The following MKLN1 variants were observed in gnomAD, a reference collection of about 807,000 sequenced individuals.
MKLN1 encodes muskelin 1.
A neutral mutation model predicts 99.0 loss-of-function variants in MKLN1; 18 were observed. The observed-to-expected ratio is 0.18, with a 90% CI of 0.13 to 0.27. MKLN1 has a LOEUF of 0.27. Among genes scored for constraint, MKLN1 ranks in the 10% least tolerant of loss-of-function variants. MKLN1 has a pLI of 1.00. For missense variants in MKLN1, 621 were observed against 875.9 expected (o/e 0.71, Z 3.67); for synonymous variants, 288 against 293.2 (o/e 0.98, Z 0.18).
chr7:131,328,418 G>T (rs990669313), intron 1 of MKLN1, among the ~76,000 whole-genome samples: 2 of 152,120 alleles, frequency 1.3e-5, no homozygotes, highest in Non-Finnish European at 2.9e-5. Flanking sequence ...GGACAGTTCA[G>T]TCGATTGCTG....
At chr7:131,181,708 G>A (rs1295646605) in intron 2 of MKLN1, among the ~76,000 whole-genome samples, 1 of 148,786 alleles carries the variant, frequency 6.7e-6, no homozygotes, top group East Asian at 2.0e-4. Flanking sequence ...CACCCAGGCT[G>A]GAGTCCAGTG....
At chr7:131,204,090 G>A (rs2116415169) in intron 3 of MKLN1, among the ~76,000 whole-genome samples, 1 of 152,266 alleles carries the variant, frequency 6.6e-6, no homozygotes, top group Non-Finnish European at 1.5e-5. Flanking sequence ...AAATTGGAAT[G>A]TTCTCACTCT....
chr7:131,411,906 CAAAAAAAAAAAAAAAAAA>C (rs34182914), intron 7 of MKLN1, among the ~76,000 whole-genome samples: 7 of 53,092 alleles, frequency 1.3e-4, no homozygotes, highest in African/African-American at 2.7e-4. Flanking sequence ...GATTCCATCT[CAAAAAAAAAAAAAAAAAA>C]AAAAAAAAAA....
At chr7:131,185,305 C>A (rs78242369) in intron 2 of MKLN1, among the ~76,000 whole-genome samples, 4 of 151,918 alleles carry the variant, frequency 2.6e-5, no homozygotes, top group African/African-American at 9.7e-5. Context: ...GGGCCCGGCA[C>A]GGTGGCTCAC....
intron 3 of MKLN1, among the ~76,000 whole-genome samples, chr7:131,272,337 A>G (rs1460537837): frequency 6.6e-6 from 1 of 152,262 alleles, no homozygotes; most frequent in Non-Finnish European, 1.5e-5. Flanking sequence ...GCAAAGGTTT[A>G]TAAATGTTTC....
chr7:131,175,760 T>A (rs1796289376), intron 2 of MKLN1, among the ~76,000 whole-genome samples: 1 of 151,990 alleles, frequency 6.6e-6, no homozygotes, highest in Admixed American at 6.6e-5. Context: ...TTTAGCTGGG[T>A]GTGGTGGCAC....
chr7:131,124,862 G>A (rs1319653009), intron 1 of MKLN1, among the ~76,000 whole-genome samples: 3 of 152,104 alleles, frequency 2.0e-5, no homozygotes, highest in Non-Finnish European at 4.4e-5. Context: ...GGACATATGC[G>A]CCTTCCCCTT....
chr7:131,253,429 T>C (rs1797611875), intron 3 of MKLN1, among the ~76,000 whole-genome samples: 1 of 152,090 alleles, frequency 6.6e-6, no homozygotes, highest in Non-Finnish European at 1.5e-5. Context: ...AGGTGGGTGA[T>C]CCCATTCCTC....
intron 3 of MKLN1, among the ~76,000 whole-genome samples, chr7:131,254,231 C>T (rs928723407): frequency 6.6e-6 from 1 of 152,180 alleles, no homozygotes; most frequent in African/African-American, 2.4e-5. Context: ...AGATTTCACA[C>T]TGCAGGAAAA....
intron 1 of MKLN1, among the ~76,000 whole-genome samples, chr7:131,112,288 C>T (rs1795213779): frequency 6.6e-6 from 1 of 152,200 alleles, no homozygotes; most frequent in African/African-American, 2.4e-5. Context: ...TTACAAACTT[C>T]TGTGATGAGA....
intron 15 of MKLN1, among the ~76,000 whole-genome samples, chr7:131,470,010 G>A (rs907524329): frequency 6.6e-6 from 1 of 151,870 alleles, no homozygotes; most frequent in Admixed American, 6.6e-5. Context: ...CGAGTAGCTG[G>A]GACTGTAGGC....
At chr7:131,237,704 A>G (rs568979702) in intron 3 of MKLN1, among the ~76,000 whole-genome samples, 14 of 152,304 alleles carry the variant, frequency 9.2e-5, no homozygotes, top group Non-Finnish European at 1.8e-4. Flanking sequence ...GTAGGAAGCA[A>G]TGATAGACCT....
At chr7:131,430,358 A>G (rs944346581) in intron 9 of MKLN1, among the ~76,000 whole-genome samples, 1 of 151,858 alleles carries the variant, frequency 6.6e-6, no homozygotes, top group East Asian at 1.9e-4. Flanking sequence ...TACTTTTCTT[A>G]CCCCGGGAAA....
chr7:131,130,176 G>GT (rs1795528489), intron 1 of MKLN1, among the ~76,000 whole-genome samples: 1 of 152,154 alleles, frequency 6.6e-6, no homozygotes, highest in African/African-American at 2.4e-5. Context: ...CATACAAACT[G>GT]TATCTAGGGA....
Position 131,295,497 on chromosome 7 carries a change from C to T in MKLN1, c.-178-79927C>T, listed in dbSNP as rs1315688128. ...AAGTTGCAATCCAACAGAAAAAGTG[C>T]TTATTTCTTTATTTTACTAAAAGAT... On this transcript the variant is annotated intron_variant, in intron 3 of 7. Coordinates refer to the MKLN1 transcript ENST00000416992. 3.3e-5 allele frequency among the ~76,000 whole-genome samples: 5 copies of T among 151,146 alleles called. No individual in the cohort carries two copies. The Admixed American group carries it at 3.3e-4, about 10-fold the overall frequency.
intron 12 of MKLN1, among the ~76,000 whole-genome samples, chr7:131,455,490 G>T (rs1429022167): frequency 6.6e-6 from 1 of 152,090 alleles, no homozygotes; most frequent in Admixed American, 6.5e-5. Flanking sequence ...TAACGAGTTG[G>T]CAGTGATAAT....
chr7:131,422,766 C>G lies in MKLN1; in HGVS notation c.848-6267C>G, dbSNP rs189913433. Among the ~76,000 whole-genome samples the G allele has an allele frequency of 1.9e-3, 291 of 151,202 alleles. 1 individual carries two copies. Among genetic ancestry groups the G allele is most frequent in the African/African-American group, 6.9e-3 (283 of 41,172 alleles). ...TTTTTTTTTCCCATATTGCTGTCTT[C>G]TCTAAGGATACAGTGACCATTTTAA... On this transcript the variant is annotated intron_variant, in intron 8 of 17. Transcript: ENST00000352689.
intron 3 of MKLN1, among the ~76,000 whole-genome samples, chr7:131,311,462 A>T (rs1372652488): frequency 2.0e-5 from 3 of 152,166 alleles, no homozygotes; most frequent in African/African-American, 7.2e-5. Flanking sequence ...AAACACATTC[A>T]TCCTAATATA....
intron 3 of MKLN1, among the ~76,000 whole-genome samples, chr7:131,286,449 T>C (rs1392918566): frequency 2.0e-5 from 3 of 152,140 alleles, no homozygotes; most frequent in African/African-American, 4.8e-5. Flanking sequence ...TGTTTTTTTT[T>C]CCTCCCCCAA....
Sources: gnomAD v4.1 joint callset for allele counts (sites outside exome capture counted in the v4.1 genomes callset) on GRCh38, gnomAD v4.1.1 for gene constraint, MANE v1.5 for transcripts, NCBI Gene and HGNC (gene_info 2026-07-23, HGNC 2026-07-21) for gene names.